The following CHLSN variants were observed in gnomAD, a reference collection of about 807,000 sequenced individuals.
CHLSN encodes protein cholesin.
chr7:1,021,122 A>G, the CHLSN span, among the ~76,000 whole-genome samples: 1 of 150,166 alleles, frequency 6.7e-6, no homozygotes, highest in African/African-American at 2.5e-5. Context: ...CCAGGTTGGG[A>G]ACCTCCAGGC....
the CHLSN span, chr7:1,056,826 A>T: frequency 8.8e-6 from 1 of 114,160 alleles, no homozygotes; most frequent in Non-Finnish European, 1.6e-5. Context: ...TTCCCGAGAT[A>T]GCTGTAGGTC....
chr7:1,074,934 C>T, the CHLSN span, among the ~76,000 whole-genome samples: 17 of 152,330 alleles, frequency 1.1e-4, no homozygotes, highest in East Asian at 3.3e-3. Flanking sequence ...GCAGGACAGA[C>T]GTCCCTCCAG....
chr7:1,107,139 G>A, the CHLSN span, among the ~76,000 whole-genome samples: 1 of 152,178 alleles, frequency 6.6e-6, no homozygotes, highest in African/African-American at 2.4e-5. Flanking sequence ...GGAAGGGAAA[G>A]AGCCACAGAG....
the CHLSN span, among the ~76,000 whole-genome samples, chr7:1,122,700 G>A: frequency 6.6e-6 from 1 of 152,176 alleles, no homozygotes; most frequent in Non-Finnish European, 1.5e-5. Context: ...GCTCAAGTGG[G>A]AAACCAGGCC....
chr7:1,080,164 T>G, the CHLSN span, among the ~76,000 whole-genome samples: 1 of 152,222 alleles, frequency 6.6e-6, no homozygotes, highest in African/African-American at 2.4e-5. Context: ...TGTATGAAGC[T>G]AAATGTGCAC....
chr7:1,070,770 CACACGCACGCACACGG>C, the CHLSN span, among the ~76,000 whole-genome samples: 1 of 149,748 alleles, frequency 6.7e-6, no homozygotes, highest in Non-Finnish European at 1.5e-5. Flanking sequence ...CATACACATG[CACACGCACGCACACGG>C]ACACGCACGT....
At chr7:1,133,299 G>T in the CHLSN span, among the ~76,000 whole-genome samples, 3 of 150,520 alleles carry the variant, frequency 2.0e-5, no homozygotes, top group Non-Finnish European at 4.4e-5. Context: ...GGAAGAGTGG[G>T]TGACCACTAA....
chr7:1,120,657 G>A, the CHLSN span, among the ~76,000 whole-genome samples: 2 of 152,328 alleles, frequency 1.3e-5, no homozygotes, highest in Non-Finnish European at 2.9e-5. Context: ...TCCTCGGAAC[G>A]AAAGCATAGA....
the CHLSN span, among the ~76,000 whole-genome samples, chr7:1,030,260 C>T: frequency 6.6e-6 from 1 of 152,210 alleles, no homozygotes; most frequent in Non-Finnish European, 1.5e-5. Flanking sequence ...CAATCCTGCT[C>T]ATATGCCGTC....
chr7:1,053,290 G>A, the CHLSN span, among the ~76,000 whole-genome samples: 9 of 152,384 alleles, frequency 5.9e-5, no homozygotes, highest in South Asian at 2.1e-4. Flanking sequence ...CCCCTCACTC[G>A]GACGCAGGTG....
At chr7:1,095,173 C>G in the CHLSN span, among the ~76,000 whole-genome samples, 3 of 152,258 alleles carry the variant, frequency 2.0e-5, no homozygotes, top group African/African-American at 7.2e-5. Flanking sequence ...ACACTGACAT[C>G]CGTGCTCTGG....
chr7:1,017,927 G>A, the CHLSN span, among the ~76,000 whole-genome samples: 4 of 152,194 alleles, frequency 2.6e-5, no homozygotes, highest in African/African-American at 4.8e-5. Flanking sequence ...ATGTTTGTTC[G>A]GTGCATTTTA....
At chr7:997,040 A>C in the CHLSN span, 1 of 152,346 alleles carries the variant, frequency 6.6e-6, no homozygotes, top group Non-Finnish European at 1.5e-5. Flanking sequence ...AAATGCAGCC[A>C]CAGAGGCGGT....
At chr7:990,651 C>T in the CHLSN span, among the ~76,000 whole-genome samples, 522 of 152,158 alleles carry the variant, frequency 3.4e-3, 3 homozygotes, top group Non-Finnish European at 6.1e-3. Flanking sequence ...GCTGCAAGGA[C>T]GAGAAGGGGA....
At chr7:1,083,670 A>C in the CHLSN span, among the ~76,000 whole-genome samples, 1 of 151,774 alleles carries the variant, frequency 6.6e-6, no homozygotes, top group African/African-American at 2.4e-5. Context: ...GAGAGTGTGG[A>C]GGCGCAGACG....
the CHLSN span, among the ~76,000 whole-genome samples, chr7:1,079,177 C>T: frequency 1.3e-5 from 2 of 152,186 alleles, no homozygotes; most frequent in South Asian, 2.1e-4. Context: ...AGTCAACAGC[C>T]GCAAACAAAC....
At chr7:1,079,572 A>G in the CHLSN span, among the ~76,000 whole-genome samples, 3 of 152,240 alleles carry the variant, frequency 2.0e-5, no homozygotes, top group African/African-American at 7.2e-5. Flanking sequence ...GAAAACATTC[A>G]ATAAACCAGC....
chr7:991,659 C>T, the CHLSN span, among the ~76,000 whole-genome samples: 14 of 152,362 alleles, frequency 9.2e-5, no homozygotes, highest in East Asian at 2.7e-3. Flanking sequence ...AGGCCACTGT[C>T]TACGCCTCAT....
the CHLSN span, among the ~76,000 whole-genome samples, chr7:1,017,296 C>T: frequency 2.0e-5 from 3 of 152,178 alleles, no homozygotes; most frequent in Admixed American, 6.5e-5. Flanking sequence ...CGGGGAGGGA[C>T]GCCACCAGCC....
Sources: allele counts gnomAD v4.1 joint callset (sites outside exome capture counted in the v4.1 genomes callset), GRCh38; gene constraint gnomAD v4.1.1; transcripts MANE v1.5; gene names NCBI Gene and HGNC (gene_info 2026-07-23, HGNC 2026-07-21).